The following MAP4K4 variants were observed in gnomAD, a reference collection of about 807,000 sequenced individuals.
The protein encoded by MAP4K4 is HPK/GCK-like kinase HGK.
Under a neutral mutation model 189.6 loss-of-function variants are expected in MAP4K4, and 38 were observed. That is an observed-to-expected ratio of 0.20 (90% CI 0.15 to 0.26). MAP4K4 has a LOEUF of 0.26. MAP4K4 is among the 10% of genes least tolerant of loss of function. The pLI is 1.00. For missense variants in MAP4K4, 1,054 were observed against 1,726.9 expected, an observed-to-expected ratio of 0.61 and a Z score of 6.91; for synonymous variants, 610 against 624.3, an observed-to-expected ratio of 0.98 and a Z score of 0.34.
chr2:101,729,077 GGA>G (rs1553512625), intron 2 of MAP4K4, among the ~76,000 whole-genome samples: 16 of 128,770 alleles, frequency 1.2e-4, no homozygotes, highest in African/African-American at 4.2e-4. Context: ...ATTAGAGAGA[GGA>G]GAGAGAGAGA....
intron 2 of MAP4K4, among the ~76,000 whole-genome samples, chr2:101,732,990 G>A (rs1434513727): frequency 6.6e-6 from 1 of 152,258 alleles, no homozygotes; most frequent in African/African-American, 2.4e-5. Context: ...TGTCCTGTCA[G>A]CCCGAGCCCT....
intron 27 of MAP4K4, among the ~76,000 whole-genome samples, chr2:101,878,626 C>T (rs561139961): frequency 2.0e-5 from 3 of 152,254 alleles, no homozygotes; most frequent in Non-Finnish European, 2.9e-5. Flanking sequence ...CTTACTTAAC[C>T]TTCAGGCACA....
At chr2:101,891,714 T>C (rs1392672042) in exon 33 of MAP4K4, 1 of 156,946 alleles carries the variant, frequency 6.4e-6, no homozygotes, top group Non-Finnish European at 1.4e-5. Flanking sequence ...AGATTTAATA[T>C]AGTAACATTA....
chr2:101,746,298 TTTTTTTTTTAA>T (rs967955910), intron 2 of MAP4K4, among the ~76,000 whole-genome samples: 1 of 151,930 alleles, frequency 6.6e-6, no homozygotes, highest in African/African-American at 2.4e-5. Flanking sequence ...TGATTTTTTT[TTTTTTTTTTAA>T]TGTAAGTATA....
chr2:101,779,027 G>A (rs1464511233), intron 2 of MAP4K4, among the ~76,000 whole-genome samples: 2 of 152,004 alleles, frequency 1.3e-5, no homozygotes, highest in African/African-American at 2.4e-5. Flanking sequence ...ATTGTAACTT[G>A]GTTGCAATGA....
chr2:101,761,339 G>A (rs1385371466), intron 2 of MAP4K4, among the ~76,000 whole-genome samples: 1 of 152,060 alleles, frequency 6.6e-6, no homozygotes, highest in Non-Finnish European at 1.5e-5. Context: ...TTATGATAGT[G>A]TAGATTGTTT....
chr2:101,745,933 G>C (rs2065283241), intron 2 of MAP4K4, among the ~76,000 whole-genome samples: 1 of 150,354 alleles, frequency 6.7e-6, no homozygotes, highest in South Asian at 2.1e-4. Context: ...ATATCTGTCA[G>C]TCTACACTCA....
At chr2:101,888,040 C>G (rs532815122) in intron 31 of MAP4K4, 103 bp downstream of exon 31, 1 of 1,070,476 alleles carries the variant, frequency 9.3e-7, no homozygotes, top group Admixed American at 2.3e-5. Flanking sequence ...GACCTTTTGA[C>G]TACCATTGAA....
chr2:101,882,399 G>GT (rs1339167762), intron 27 of MAP4K4, among the ~76,000 whole-genome samples, 152 bp from the exon 28 acceptor site: 1 of 152,160 alleles, frequency 6.6e-6, no homozygotes, highest in Non-Finnish European at 1.5e-5. Context: ...CTTGTCAGCT[G>GT]TTTCTGTGGT....
In MAP4K4 at chr2:101,771,661, G is replaced by T. The variant is rs116204316; in HGVS notation, c.124-19059G>T. Among the ~76,000 whole-genome samples, 1,352 of 152,190 alleles carry T rather than the reference G, an allele frequency of 8.9e-3. 9 individuals are homozygous for T. Among genetic ancestry groups the T allele is most frequent in the Non-Finnish European group, 0.014 (978 of 68,020 alleles). ...CTATTCTTAAGTGCACGGAGGCCGC[G>T]CAATGTGCAGACATGCAGTTTAGTT... On this transcript the variant is annotated intron_variant, in intron 2 of 32. Coordinates refer to ENST00000324219, the Ensembl canonical transcript of MAP4K4.
intron 2 of MAP4K4, among the ~76,000 whole-genome samples, chr2:101,717,444 A>G (rs1308516766): frequency 6.6e-6 from 1 of 152,186 alleles, no homozygotes; most frequent in African/African-American, 2.4e-5. Context: ...AAATGATGGG[A>G]TTTGAGGTTT....
chr2:101,703,762 C>G (rs549439336), intron 2 of MAP4K4, among the ~76,000 whole-genome samples: 2 of 151,612 alleles, frequency 1.3e-5, no homozygotes, highest in African/African-American at 4.9e-5. Flanking sequence ...ACCTGTAATC[C>G]CAGCATTTTG....
intron 20 of MAP4K4, 29 bp from the exon 21 acceptor site, chr2:101,868,000 G>T (rs771918479): frequency 6.2e-7 from 1 of 1,612,804 alleles, no homozygotes; most frequent in Non-Finnish European, 8.5e-7. Context: ...ATGGCTTCTC[G>T]GACTCCACGA....
chr2:101,873,516 G>A (rs2098115426), intron 24 of MAP4K4, 131 bp from the exon 25 acceptor site: 1 of 570,950 alleles, frequency 1.8e-6, no homozygotes, highest in Non-Finnish European at 3.1e-6. Context: ...CATTTTTTGG[G>A]GGAATGATGC....
At chr2:101,778,505 G>T (rs533519146) in intron 2 of MAP4K4, among the ~76,000 whole-genome samples, 1 of 152,056 alleles carries the variant, frequency 6.6e-6, no homozygotes. Context: ...AGGGGGTGGC[G>T]CTTTGGGGGG....
chr2:101,870,393 A>G lies in MAP4K4; in HGVS notation c.2738A>G (p.Glu913Gly), dbSNP rs763102606. The change falls in exon 23 of 33, where the codon GAG becomes GGG. Residue 913 changes from glutamate to glycine, a missense_variant. Coordinates refer to ENST00000324219, the Ensembl canonical transcript of MAP4K4. ...GAGCCGGCCATGACCCCATCCAAGG[A>G]GGGCACTCTAATCGTCCGCCAGGTA... The G allele has an allele frequency of 3.7e-6, 6 of 1,613,754 alleles. No homozygotes were observed. In the Admixed American group the frequency reaches 1.0e-4, roughly 27 times the overall value.
intron 3 of MAP4K4, among the ~76,000 whole-genome samples, chr2:101,818,623 A>T (rs1046818349): frequency 2.6e-5 from 4 of 152,222 alleles, no homozygotes; most frequent in African/African-American, 9.6e-5. Flanking sequence ...CAAAACACTC[A>T]TACCATGCAC....
At chr2:101,870,839 G>A (rs748606531) in intron 23 of MAP4K4, among the ~76,000 whole-genome samples, 75 of 152,300 alleles carry the variant, frequency 4.9e-4, no homozygotes, top group Admixed American at 1.0e-3. Flanking sequence ...GAGGCAGGCA[G>A]GACGAGCCTC....
chr2:101,823,393 C>G (rs1033107421), intron 3 of MAP4K4, among the ~76,000 whole-genome samples: 12 of 152,170 alleles, frequency 7.9e-5, no homozygotes, highest in Admixed American at 4.6e-4. Flanking sequence ...CTGAGCACAC[C>G]GTCACAGACT....
Sources: gnomAD v4.1 joint callset for allele counts (sites outside exome capture counted in the v4.1 genomes callset) on GRCh38, gnomAD v4.1.1 for gene constraint, MANE v1.5 for transcripts, NCBI Gene and HGNC (gene_info 2026-07-23, HGNC 2026-07-21) for gene names.